CSMD3: variants seen among roughly 807,000 people sequenced by gnomAD.
CSMD3 encodes the protein CUB and sushi domain-containing protein 3.
A neutral mutation model predicts 435.2 loss-of-function variants in CSMD3; 177 were observed. That is an observed-to-expected ratio of 0.41 (90% CI 0.36 to 0.46). The LOEUF (loss-of-function observed/expected upper bound fraction) is 0.46, where lower values mean the gene tolerates loss of function less well. CSMD3 is among the 20% of genes least tolerant of loss of function. The pLI, the probability that CSMD3 is intolerant of heterozygous loss-of-function variation, is 0.34. For missense variants in CSMD3, 4,265 were observed against 4,504.6 expected, an observed-to-expected ratio of 0.95 and a Z score of 1.52; for synonymous variants, 1,656 against 1,520.5, an observed-to-expected ratio of 1.09 and a Z score of -2.07.
intron 10 of CSMD3, among the ~76,000 whole-genome samples, chr8:112,897,722 GTGTGTGTGTA>G (rs2081992225): frequency 6.7e-6 from 1 of 149,348 alleles, no homozygotes; most frequent in African/African-American, 2.5e-5. Flanking sequence ...GTGTGTGTGT[GTGTGTGTGTA>G]GGGGAAGTCG....
At chr8:113,227,703 C>T (rs188372047) in intron 3 of CSMD3, among the ~76,000 whole-genome samples, 2 of 151,722 alleles carry the variant, frequency 1.3e-5, no homozygotes, top group South Asian at 2.1e-4. Flanking sequence ...GAAGAAGATG[C>T]TTGCTTTTCC....
At chr8:113,355,787 G>GTGTA (rs1319122913) in intron 1 of CSMD3, among the ~76,000 whole-genome samples, 5 of 116,868 alleles carry the variant, frequency 4.3e-5, no homozygotes, top group African/African-American at 1.1e-4. Context: ...GTGTGTGTGT[G>GTGTA]TGTGTGTTTG....
chr8:112,928,699 T>C (rs1303049669), intron 9 of CSMD3, among the ~76,000 whole-genome samples: 3 of 150,072 alleles, frequency 2.0e-5, no homozygotes. Context: ...GTTGGACATT[T>C]GGGTTGGTTC....
At chr8:113,124,171 G>T (rs977285395) in intron 4 of CSMD3, among the ~76,000 whole-genome samples, 3 of 151,904 alleles carry the variant, frequency 2.0e-5, no homozygotes, top group African/African-American at 4.8e-5. Flanking sequence ...GCAAATGGAG[G>T]CAAAAAGAAT....
At chr8:113,396,957 GAC>G (rs1232858462) in intron 1 of CSMD3, among the ~76,000 whole-genome samples, 1 of 152,060 alleles carries the variant, frequency 6.6e-6, no homozygotes, top group Non-Finnish European at 1.5e-5. Context: ...AACAGTACCT[GAC>G]ACATAAAAGG....
At chr8:112,844,822 GTCTC>G (rs2080273051) in intron 11 of CSMD3, among the ~76,000 whole-genome samples, 2 of 151,964 alleles carry the variant, frequency 1.3e-5, no homozygotes, top group South Asian at 4.2e-4. Flanking sequence ...TCTTTGCCCA[GTCTC>G]TCTTTTTCCT....
chr8:113,074,100 G>A (rs900879137), intron 5 of CSMD3, among the ~76,000 whole-genome samples: 2 of 151,526 alleles, frequency 1.3e-5, no homozygotes, highest in African/African-American at 4.8e-5. Context: ...GACTCTTTAA[G>A]AAATTATTTG....
At chr8:112,774,985 T>G (rs1432248263) in intron 13 of CSMD3, among the ~76,000 whole-genome samples, 2 of 151,952 alleles carry the variant, frequency 1.3e-5, no homozygotes, top group Non-Finnish European at 2.9e-5. Flanking sequence ...TAATAAGTAC[T>G]TATAGATAGG....
intron 2 of CSMD3, among the ~76,000 whole-genome samples, chr8:113,279,250 G>A (rs974686315): frequency 4.1e-5 from 6 of 147,588 alleles, no homozygotes; most frequent in African/African-American, 1.0e-4. Flanking sequence ...ACAAGAGACC[G>A]AGAAGAATTA....
intron 28 of CSMD3, among the ~76,000 whole-genome samples, chr8:112,507,378 T>C (rs1423441598): frequency 6.6e-6 from 1 of 152,164 alleles, no homozygotes; most frequent in Admixed American, 6.5e-5. Flanking sequence ...GGGATTACTG[T>C]TGAAGTTTGC....
chr8:112,535,184 G>C (rs937428300), intron 27 of CSMD3, among the ~76,000 whole-genome samples: 4 of 151,690 alleles, frequency 2.6e-5, no homozygotes, highest in African/African-American at 9.7e-5. Context: ...AATTAGGCAG[G>C]AGAAGGAAAT....
chr8:113,066,129 GAAAAAAAAAA>G (rs532343282), intron 5 of CSMD3, among the ~76,000 whole-genome samples: 2 of 49,192 alleles, frequency 4.1e-5, no homozygotes, highest in East Asian at 1.0e-3. Context: ...CCAAGAAAAA[GAAAAAAAAAA>G]AAAAGAAAGA....
chr8:112,433,772 A>G (rs545044009), intron 32 of CSMD3, among the ~76,000 whole-genome samples: 97 of 152,200 alleles, frequency 6.4e-4, no homozygotes, highest in African/African-American at 2.3e-3. Flanking sequence ...ACTACAGCAG[A>G]CTTTTTAATC....
intron 5 of CSMD3, among the ~76,000 whole-genome samples, chr8:113,048,512 T>C: frequency 6.6e-6 from 1 of 152,230 alleles, no homozygotes; most frequent in Non-Finnish European, 1.5e-5. Flanking sequence ...TTAAAGTCTT[T>C]ATAAAGCAGT....
Position 112,685,584 on chromosome 8 carries a change from C to T in CSMD3, c.2304G>A (p.Leu768=), listed in dbSNP as rs2075992683. ...CAGCAAGGAAATCAAACTGGGATTC[C>T]AGGTCAAAGTCATTGAAAGAAAGAT... ...RIHLSFNDFD[L]ESQFDFLAVK... The change falls in exon 15 of 71, where the codon CTG becomes CTA. Residue 768 remains leucine, a synonymous_variant. Transcript: ENST00000297405. The T allele has an allele frequency of 6.2e-7, 1 of 1,613,704 alleles. No homozygotes were observed. The highest frequency in any genetic ancestry group is 1.3e-5 in the African/African-American group (1 of 74,844).
intron 13 of CSMD3, among the ~76,000 whole-genome samples, chr8:112,765,439 G>T (rs1192128381): frequency 6.6e-6 from 1 of 151,504 alleles, no homozygotes; most frequent in Non-Finnish European, 1.5e-5. Context: ...TTGAATGTGT[G>T]CGACTGAATT....
intron 5 of CSMD3, among the ~76,000 whole-genome samples, chr8:113,076,816 C>T: frequency 6.6e-6 from 1 of 152,018 alleles, no homozygotes; most frequent in East Asian, 1.9e-4. Context: ...TCAAGGTAAA[C>T]AATTTATAAC....
At chr8:112,408,682 G>C (rs1832070675) in intron 33 of CSMD3, among the ~76,000 whole-genome samples, 1 of 151,514 alleles carries the variant, frequency 6.6e-6, no homozygotes, top group African/African-American at 2.4e-5. Flanking sequence ...AAACACCAGA[G>C]ACTAAGTGAT....
At chr8:112,672,659 G>T (rs1413310365) in intron 16 of CSMD3, among the ~76,000 whole-genome samples, 3 of 152,048 alleles carry the variant, frequency 2.0e-5, no homozygotes, top group East Asian at 1.9e-4. Context: ...TGAAACACAG[G>T]TCGTTGCCTT....
Sources: allele counts gnomAD v4.1 joint callset (sites outside exome capture counted in the v4.1 genomes callset), GRCh38; gene constraint gnomAD v4.1.1; transcripts MANE v1.5; gene names NCBI Gene and HGNC (gene_info 2026-07-23, HGNC 2026-07-21).